The following CAPZA1 variants were observed in gnomAD, a reference collection of about 807,000 sequenced individuals.
CAPZA1 encodes F-actin-capping protein subunit alpha-1.
CAPZA1 carries 10 observed loss-of-function variants against 40.8 expected under a neutral mutation model. The observed-to-expected ratio is 0.25, with a 90% CI of 0.15 to 0.42. The LOEUF (loss-of-function observed/expected upper bound fraction) is 0.42, where lower values mean the gene tolerates loss of function less well. Ranked by LOEUF, CAPZA1 falls within the 10% of genes least tolerant of loss-of-function variation. The pLI is 1.00. For synonymous variants in CAPZA1, 98 were observed against 115.0 expected, an observed-to-expected ratio of 0.85 and a Z score of 0.95; for missense variants, 277 against 353.8, an observed-to-expected ratio of 0.78 and a Z score of 1.74.
chr1:112,627,215 TAGATAGTA>T (rs1350069438), intron 1 of CAPZA1, among the ~76,000 whole-genome samples: 2 of 152,166 alleles, frequency 1.3e-5, no homozygotes, highest in African/African-American at 4.8e-5. Context: ...TTCCTTTAAG[TAGATAGTA>T]AGATAGTAAG....
At chr1:112,647,187 G>T (rs1671296377) in intron 1 of CAPZA1, 23 bp from the exon 2 acceptor site, 5 of 1,291,926 alleles carry the variant, frequency 3.9e-6, no homozygotes, top group Non-Finnish European at 5.3e-6. Flanking sequence ...ATTCTCCTAA[G>T]TGTAAATTTT....
rs1247806094 is a variant in CAPZA1 at position 112,656,163 on chromosome 1, G to A, written c.426+1492G>A. On this transcript the variant is annotated intron_variant, in intron 5 of 9. Coordinates refer to ENST00000263168, the MANE Select transcript of CAPZA1 (RefSeq NM_006135.3). ...TGATGATGAATTACATGGCAGTCTA[G>A]AATACAGTTAAGAGCACCTACTTTG... Among the ~76,000 whole-genome samples, 4 of 152,122 alleles carry A rather than the reference G, an allele frequency of 2.6e-5. No individual in the cohort carries two copies. The East Asian group carries it at 7.7e-4, about 29-fold the overall frequency.
intron 1 of CAPZA1, among the ~76,000 whole-genome samples, chr1:112,627,932 C>G (rs1670847432): frequency 6.6e-6 from 1 of 152,070 alleles, no homozygotes; most frequent in Non-Finnish European, 1.5e-5. Flanking sequence ...TGCACTCCAG[C>G]CTGGGCAACA....
chr1:112,628,216 T>C (rs1259502089), intron 1 of CAPZA1, among the ~76,000 whole-genome samples: 1 of 152,178 alleles, frequency 6.6e-6, no homozygotes, highest in East Asian at 1.9e-4. Flanking sequence ...AATCAGAATT[T>C]TTTGGAACCA....
chr1:112,641,285 CATT>C (rs924581736), intron 1 of CAPZA1, among the ~76,000 whole-genome samples: 7 of 151,276 alleles, frequency 4.6e-5, no homozygotes, highest in African/African-American at 7.3e-5. Context: ...ATACTAGTAA[CATT>C]ATATTTCTTA....
chr1:112,638,186 A>C (rs952286819), intron 1 of CAPZA1, among the ~76,000 whole-genome samples: 1 of 152,210 alleles, frequency 6.6e-6, no homozygotes, highest in Non-Finnish European at 1.5e-5. Flanking sequence ...ATTGGAGTGA[A>C]TAATCCAAGA....
chr1:112,635,846 C>T (rs1388223014), intron 1 of CAPZA1, among the ~76,000 whole-genome samples: 4 of 152,036 alleles, frequency 2.6e-5, no homozygotes, highest in South Asian at 2.1e-4. Context: ...CCTGGTCACA[C>T]GGTGAAACCC....
At chr1:112,665,423 GC>G (rs1671706678) in intron 7 of CAPZA1, among the ~76,000 whole-genome samples, 2 of 151,800 alleles carry the variant, frequency 1.3e-5, no homozygotes, top group Non-Finnish European at 2.9e-5. Flanking sequence ...CAAGTGATCC[GC>G]CCGCCTTGGC....
intron 3 of CAPZA1, 28 bp downstream of exon 3, chr1:112,649,497 A>G: frequency 6.5e-7 from 1 of 1,541,634 alleles, no homozygotes; most frequent in Non-Finnish European, 9.0e-7. Context: ...TCCACTTAGA[A>G]TGTTACTCTA....
rs1218272603 is a variant in CAPZA1 at position 112,653,653 on chromosome 1, G to A, written c.211G>A (p.Glu71Lys). 6.2e-7 allele frequency: 1 copy of A among 1,601,978 alleles called. No individual in the cohort carries two copies. Among genetic ancestry groups the A allele is most frequent in the Admixed American group, 1.7e-5 (1 of 59,126 alleles). Residue 71 changes from glutamate to lysine, a missense_variant, in exon 4 of 10, where the codon GAA (glutamate) becomes AAA (lysine). Coordinates refer to ENST00000263168, the MANE Select transcript of CAPZA1 (RefSeq NM_006135.3). ...CACGCCTGTGAAGATAGAAGGATAT[G>A]AAGATCAGGTAATAATTGCCTTTTA... ...QFTPVKIEGY[E>K]DQVLITEHGD...
chr1:112,647,242 A>T lies in CAPZA1; in HGVS notation c.72A>T (p.Ala24=), dbSNP rs753319455. Residue 24 remains alanine, a synonymous_variant, in exon 2 of 10, where the codon GCA becomes GCT. Coordinates refer to ENST00000263168, the MANE Select transcript of CAPZA1 (RefSeq NM_006135.3). ...VRIAAKFITH[A]PPGEFNEVFN... ...TAGCTGCTAAATTCATCACTCATGC[A>T]CCCCCAGGGGAATTTAATGAAGTAT... 6.5e-7 allele frequency: 1 copy of T among 1,529,134 alleles called. No individual in the cohort carries two copies. Among genetic ancestry groups the T allele is most frequent in the South Asian group, 1.3e-5 (1 of 75,720 alleles). 94.7% of individuals were successfully genotyped at this position (1,529,134 alleles called of 1,614,324 possible). A position where few individuals can be genotyped will look rare whatever the true frequency, so the allele number is the denominator to read the frequency against.
chr1:112,659,989 G>A (rs1242385108), intron 7 of CAPZA1, among the ~76,000 whole-genome samples: 3 of 151,864 alleles, frequency 2.0e-5, no homozygotes, highest in Non-Finnish European at 4.4e-5. Context: ...TGGCAACATG[G>A]TTATTGTTAT....
At chr1:112,640,124 G>A (rs1304118354) in intron 1 of CAPZA1, among the ~76,000 whole-genome samples, 5 of 120,158 alleles carry the variant, frequency 4.2e-5, no homozygotes, top group East Asian at 2.8e-4. Flanking sequence ...CAGCCGCCCC[G>A]TCCGGGAGGG....
intron 1 of CAPZA1, among the ~76,000 whole-genome samples, chr1:112,639,978 C>A: frequency 7.5e-6 from 1 of 133,550 alleles, no homozygotes; most frequent in African/African-American, 2.8e-5. Context: ...GGTCAGCCCC[C>A]CGCCCGGCCA....
chr1:112,626,837 G>C (rs1165611102), intron 1 of CAPZA1, among the ~76,000 whole-genome samples: 1 of 152,220 alleles, frequency 6.6e-6, no homozygotes, highest in Non-Finnish European at 1.5e-5. Flanking sequence ...GGCAGTGTCA[G>C]TGAAATGGAA....
Position 112,651,480 on chromosome 1 carries a change from G to A in CAPZA1, c.155+2011G>A, listed in dbSNP as rs59178058. Among the ~76,000 whole-genome samples, 677 of 152,252 alleles carry A rather than the reference G, an allele frequency of 4.4e-3. 1 individual carries two copies. Among genetic ancestry groups the A allele is most frequent in the African/African-American group, 0.016 (645 of 41,538 alleles). ...TGGGAAGAAGTCAGATTCTGAATATGTACTTAAGTAGAGCCTACAAGATTT... is the reference window on the plus strand; with the variant it reads ...TGGGAAGAAGTCAGATTCTGAATATATACTTAAGTAGAGCCTACAAGATTT... On this transcript the variant is annotated intron_variant, in intron 3 of 9. Transcript: ENST00000263168.
intron 5 of CAPZA1, among the ~76,000 whole-genome samples, chr1:112,657,783 G>C (rs547101178): frequency 2.0e-5 from 3 of 152,042 alleles, no homozygotes; most frequent in Non-Finnish European, 4.4e-5. Flanking sequence ...GTAGAGATGG[G>C]GTTTCACCAT....
intron 1 of CAPZA1, among the ~76,000 whole-genome samples, chr1:112,628,657 A>T (rs760755731): frequency 2.0e-5 from 3 of 152,218 alleles, no homozygotes; most frequent in Non-Finnish European, 4.4e-5. Flanking sequence ...TCCTCTAGAT[A>T]GGTTCATTTG....
At chr1:112,624,637 A>T (rs1028874364) in intron 1 of CAPZA1, among the ~76,000 whole-genome samples, 7 of 141,450 alleles carry the variant, frequency 4.9e-5, no homozygotes, top group Admixed American at 7.1e-5. Flanking sequence ...AAAAAGAGGT[A>T]TTATGATGTA....
Sources: allele counts gnomAD v4.1 joint callset (sites outside exome capture counted in the v4.1 genomes callset), GRCh38; gene constraint gnomAD v4.1.1; transcripts MANE v1.5; gene names NCBI Gene and HGNC (gene_info 2026-07-23, HGNC 2026-07-21).